Variants in AGBL1 observed in about 807,000 individuals in gnomAD.
AGBL1 encodes cytosolic carboxypeptidase 4.
In AGBL1, 130 loss-of-function variants were observed where a neutral mutation model predicts 118.9. The observed-to-expected ratio is 1.09, with a 90% CI of 0.95 to 1.26. AGBL1 has a LOEUF of 1.26. Ranked by LOEUF, AGBL1 falls within the 50% of genes most tolerant of loss-of-function variation. AGBL1 has a pLI of 0.00. For synonymous variants in AGBL1, 555 were observed against 478.9 expected, an observed-to-expected ratio of 1.16 and a Z score of -2.08; for missense variants, 1,584 against 1,298.1, an observed-to-expected ratio of 1.22 and a Z score of -3.38.
At chr15:86,080,459 C>G (rs908691452) in intron 1 of AGBL1, among the ~76,000 whole-genome samples, 2 of 152,186 alleles carry the variant, frequency 1.3e-5, no homozygotes, top group Non-Finnish European at 2.9e-5. Context: ...GGCTATCTTA[C>G]TGGGCTCCCA....
At chr15:86,222,097 A>T (rs1566090) in intron 5 of AGBL1, among the ~76,000 whole-genome samples, 30,221 of 151,922 alleles carry the variant, frequency 0.2, 3,372 homozygotes, top group South Asian at 0.29. Context: ...TCTAGTGTTG[A>T]TGTCTTCCTG....
chr15:86,838,934 G>A (rs866130845), intron 22 of AGBL1, among the ~76,000 whole-genome samples: 1 of 71,542 alleles, frequency 1.4e-5, no homozygotes, highest in Admixed American at 2.4e-4. Flanking sequence ...AACAGAATGA[G>A]ATCCTGTAAA....
chr15:86,174,547 C>G (rs533762156), intron 5 of AGBL1, among the ~76,000 whole-genome samples: 1 of 152,110 alleles, frequency 6.6e-6, no homozygotes, highest in Non-Finnish European at 1.5e-5. Context: ...AGGAAATTCT[C>G]TCAGCTTTTC....
chr15:86,128,369 G>T (rs2141601055), intron 1 of AGBL1, among the ~76,000 whole-genome samples: 1 of 152,306 alleles, frequency 6.6e-6, no homozygotes, highest in East Asian at 1.9e-4. Context: ...TCTCCACCTG[G>T]CCCTGCCCTT....
intron 18 of AGBL1, among the ~76,000 whole-genome samples, chr15:86,433,266 CTTTTTTTTTTT>C (rs59417397): frequency 1.7e-3 from 126 of 74,902 alleles, no homozygotes; most frequent in African/African-American, 6.0e-3. Context: ...CCTCCTTCTT[CTTTTTTTTTTT>C]TTTTTTTTTT....
In AGBL1 at chr15:86,907,926, A is replaced by G. The variant is rs2080302836; in HGVS notation, c.*632A>G. 1 of 152,194 alleles carries G rather than the reference A, an allele frequency of 6.6e-6. No individual in the cohort carries two copies. The highest frequency in any genetic ancestry group is 2.4e-5 in the African/African-American group (1 of 41,442). 9.4% of individuals were successfully genotyped at this position (152,194 alleles called of 1,614,324 possible). ...GCCAGAAGCTGCACTAGACTCTTAG[A>G]AATAAGACATTGTCACTGATCTTCA... On this transcript the variant is annotated 3_prime_UTR_variant, in exon 23 of 23. Coordinates refer to ENST00000614907, the MANE Select transcript of AGBL1 (RefSeq NM_001386094.1).
intron 23 of AGBL1, among the ~76,000 whole-genome samples, chr15:86,952,493 T>TA (rs1269021678): frequency 6.6e-6 from 1 of 152,294 alleles, no homozygotes; most frequent in African/African-American, 2.4e-5. Flanking sequence ...TTGCTACTTG[T>TA]AAAAAAATTT....
intron 18 of AGBL1, among the ~76,000 whole-genome samples, chr15:86,482,055 C>G (rs1783799667): frequency 6.6e-6 from 1 of 152,136 alleles, no homozygotes; most frequent in Admixed American, 6.5e-5. Flanking sequence ...TCATCGTTCA[C>G]AGCTTAGGAA....
chr15:87,024,170 A>C (rs948316907), intron 24 of AGBL1, among the ~76,000 whole-genome samples: 1 of 152,044 alleles, frequency 6.6e-6, no homozygotes, highest in Non-Finnish European at 1.5e-5. Context: ...AACAACAAAA[A>C]TATAAAAGAT....
At chr15:86,191,369 AAG>A (rs1214347585) in intron 5 of AGBL1, among the ~76,000 whole-genome samples, 4 of 145,062 alleles carry the variant, frequency 2.8e-5, no homozygotes, top group Non-Finnish European at 4.6e-5. Context: ...AAAAAAAAAA[AAG>A]AGAGAGAGAG....
chr15:86,960,648 C>A (rs1213857862), intron 23 of AGBL1, among the ~76,000 whole-genome samples: 1 of 151,656 alleles, frequency 6.6e-6, no homozygotes. Context: ...AGAAAATGAC[C>A]ATCCCCAAGA....
chr15:86,952,799 T>C (rs1207027660), intron 23 of AGBL1, among the ~76,000 whole-genome samples: 1 of 152,186 alleles, frequency 6.6e-6, no homozygotes, highest in African/African-American at 2.4e-5. Flanking sequence ...TTTAAAGAAT[T>C]TTTAGAGTTT....
chr15:86,516,366 T>C (rs370779142), intron 18 of AGBL1, among the ~76,000 whole-genome samples: 1 of 152,252 alleles, frequency 6.6e-6, no homozygotes, highest in Non-Finnish European at 1.5e-5. Flanking sequence ...CTTAGTGATC[T>C]TGAGGTCTCG....
At chr15:86,612,302 G>A (rs2084668389) in intron 21 of AGBL1, among the ~76,000 whole-genome samples, 1 of 151,982 alleles carries the variant, frequency 6.6e-6, no homozygotes, top group South Asian at 2.1e-4. Flanking sequence ...TTTGCCTAAG[G>A]ATAATTTTGA....
intron 1 of AGBL1, among the ~76,000 whole-genome samples, chr15:86,089,443 A>G (rs918800129): frequency 6.6e-6 from 1 of 152,202 alleles, no homozygotes; most frequent in Middle Eastern, 3.2e-3. Flanking sequence ...AGTTCTTTCT[A>G]GAGGCTCAAG....
intron 1 of AGBL1, among the ~76,000 whole-genome samples, chr15:86,141,765 TG>T (rs1336403172): frequency 6.6e-6 from 1 of 152,254 alleles, no homozygotes; most frequent in Non-Finnish European, 1.5e-5. Flanking sequence ...CTTATTCTTT[TG>T]TTCATCTTGC....
intron 22 of AGBL1, among the ~76,000 whole-genome samples, chr15:86,707,787 C>A (rs1189708023): frequency 6.6e-6 from 1 of 152,112 alleles, no homozygotes; most frequent in Non-Finnish European, 1.5e-5. Flanking sequence ...ATCTTCTGAG[C>A]ATTTTCCTAG....
chr15:86,122,497 A>G (rs1898148741), intron 1 of AGBL1, among the ~76,000 whole-genome samples: 1 of 152,216 alleles, frequency 6.6e-6, no homozygotes, highest in Non-Finnish European at 1.5e-5. Flanking sequence ...CATGGCATGC[A>G]TCACTTAAGT....
At chr15:86,889,732 C>T (rs2080024045) in intron 22 of AGBL1, among the ~76,000 whole-genome samples, 1 of 152,090 alleles carries the variant, frequency 6.6e-6, no homozygotes, top group Admixed American at 6.5e-5. Context: ...GATCTCATTC[C>T]TTTTATGGCT....
Sources: gnomAD v4.1 joint callset for allele counts (sites outside exome capture counted in the v4.1 genomes callset) on GRCh38, gnomAD v4.1.1 for gene constraint, MANE v1.5 for transcripts, NCBI Gene and HGNC (gene_info 2026-07-23, HGNC 2026-07-21) for gene names.